Variants in DET1 observed in about 807,000 individuals in gnomAD.
DET1 encodes the protein DET1 partner of COP1 E3 ubiquitin ligase.
Under a neutral mutation model 43.7 loss-of-function variants are expected in DET1, and 22 were observed. That is an observed-to-expected ratio of 0.50 (90% CI 0.36 to 0.72). The LOEUF is 0.72. DET1 is among the 30% of genes least tolerant of loss of function. The pLI is 0.00. For synonymous variants in DET1, 315 were observed against 266.2 expected (o/e 1.18, Z -1.79); for missense variants, 713 against 713.3 (o/e 1.00, Z 0.00).
At chr15:88,520,655 C>A (rs2056465224) in intron 3 of DET1, among the ~76,000 whole-genome samples, 1 of 152,156 alleles carries the variant, frequency 6.6e-6, no homozygotes, top group Non-Finnish European at 1.5e-5. Context: ...GGCCCATAGA[C>A]CATCCTCCAT....
chr15:88,527,090 AC>A (rs2142296753), intron 3 of DET1, among the ~76,000 whole-genome samples: 1 of 151,984 alleles, frequency 6.6e-6, no homozygotes, highest in Non-Finnish European at 1.5e-5. Flanking sequence ...AGCTTTTAAA[AC>A]TTTGTTAATA....
At chr15:88,517,224 G>GTTTT (rs397854316) in intron 3 of DET1, among the ~76,000 whole-genome samples, 6 of 129,628 alleles carry the variant, frequency 4.6e-5, no homozygotes, top group African/African-American at 8.8e-5. Flanking sequence ...TGGGTTTTGG[G>GTTTT]TTTTTTTTTT....
intron 1 of DET1, among the ~76,000 whole-genome samples, chr15:88,537,042 T>C (rs1189900164): frequency 6.6e-6 from 1 of 152,136 alleles, no homozygotes; most frequent in African/African-American, 2.4e-5. Flanking sequence ...AAATGCCTTA[T>C]ATAAGTATAT....
chr15:88,536,833 A>C (rs2056965953), intron 1 of DET1, among the ~76,000 whole-genome samples: 1 of 151,924 alleles, frequency 6.6e-6, no homozygotes, highest in South Asian at 2.1e-4. Context: ...TAAAAGACAC[A>C]TTTTTAAAAA....
rs1053966716 is a variant in DET1 at position 88,517,942 on chromosome 15, A to C, written c.1272-969T>G. Among the ~76,000 whole-genome samples the C allele has an allele frequency of 2.0e-5, 3 of 151,888 alleles. No homozygotes were observed. The East Asian group carries it at 5.8e-4, about 29-fold the overall frequency. ...TGTCACAAATGCTAAATTTTATTTT[A>C]TTTTTATTTTTTGAGACAGGGTCTC... On this transcript the variant is annotated intron_variant, in intron 3 of 4. Transcript: ENST00000268148.
chr15:88,506,405 T>C (rs1331957975), intron 7 of DET1, among the ~76,000 whole-genome samples: 2 of 151,880 alleles, frequency 1.3e-5, no homozygotes, highest in Admixed American at 6.6e-5. Context: ...TAATCAAACA[T>C]TGCCTGATAG....
intron 3 of DET1, 109 bp downstream of exon 3, chr15:88,527,490 C>G: frequency 9.8e-7 from 1 of 1,024,444 alleles, no homozygotes; most frequent in Non-Finnish European, 1.4e-6. Flanking sequence ...AGCAGAATAA[C>G]CAAAGCTATG....
chr15:88,531,171 A>G lies in DET1; in HGVS notation c.535T>C (p.Ser179Pro), dbSNP rs2056803294. The change falls in exon 2 of 5, where the codon TCA (serine) becomes CCA (proline). Residue 179 changes from serine to proline, a missense_variant. Coordinates refer to ENST00000268148, the MANE Select transcript of DET1 (RefSeq NM_001144074.3). This position sits in a 1 kb window ranked among gnomAD's most constrained non-coding sequence, Gnocchi z 6.2. ...PFFEVYRNSE[S>P]VTPNPRSPLE... The stretch of plus-strand genomic sequence containing the variant: ...GGGGACCGTGGGTTGGGGGTCACTG[A>G]TTCACTGTTCCGATATACCTCAAAA... 1 of 1,613,722 alleles carries G rather than the reference A, an allele frequency of 6.2e-7. No homozygotes were observed. Among genetic ancestry groups the G allele is most frequent in the Admixed American group, 1.7e-5 (1 of 59,978 alleles).
intron 4 of DET1, among the ~76,000 whole-genome samples, chr15:88,514,869 G>A (rs923318511): frequency 1.3e-5 from 2 of 152,030 alleles, no homozygotes; most frequent in African/African-American, 4.8e-5. Context: ...CTTTATTCAG[G>A]AGCAATACCA....
chr15:88,508,762 T>C (rs370261016), downstream of DET1, among the ~76,000 whole-genome samples: 6 of 152,194 alleles, frequency 3.9e-5, no homozygotes, highest in South Asian at 1.2e-3. Flanking sequence ...TGAAATCATT[T>C]AATTTAGACA....
Position 88,530,753 on chromosome 15 carries a change from C to A in DET1, c.953G>T (p.Arg318Leu), listed in dbSNP as rs746255778. 6.2e-7 allele frequency: 1 copy of A among 1,613,862 alleles called. No homozygotes were observed. Among genetic ancestry groups the A allele is most frequent in the African/African-American group, 1.3e-5 (1 of 75,054 alleles). The change falls in exon 2 of 5, where the codon CGC (arginine) becomes CTC (leucine). Residue 318 changes from arginine (R) to leucine (L), a missense_variant. Physicochemically the swap from Arg to Leu is moderately radical, Grantham distance 102 (BLOSUM62 -2). Transcript: ENST00000268148. ...CAGTTGGTCAAAATACTGGAAGAAGCGCCTCTTGGCCATTGCACTACCATC... is the reference window on the plus strand; with the variant it reads ...CAGTTGGTCAAAATACTGGAAGAAGAGCCTCTTGGCCATTGCACTACCATC... ...EQDGSAMAKR[R>L]FFQYFDQLRQ...
rs2056826167 is a variant in DET1, at chr15:88,531,930, T to C, written c.-10-215A>G. On this transcript the variant is annotated intron_variant, in intron 1 of 4. Coordinates refer to ENST00000268148, the MANE Select transcript of DET1 (RefSeq NM_001144074.3). This position sits in a 1 kb window ranked among gnomAD's most constrained non-coding sequence, Gnocchi z 6.2. ...GGTCTAAGGGAAGGATCTAGTTCACTAGGAATACCTTCCAAGTATGCTCAG... is the reference window on the plus strand; with the variant it reads ...GGTCTAAGGGAAGGATCTAGTTCACCAGGAATACCTTCCAAGTATGCTCAG... 2 of 532,730 alleles carry C rather than the reference T, an allele frequency of 3.8e-6. No individual in the cohort carries two copies. Among genetic ancestry groups the C allele is most frequent in the Admixed American group, 3.6e-5 (1 of 27,676 alleles). The allele number at this position is 532,730 out of a possible 1,614,324, so 33.0% of individuals were successfully genotyped here. A position where few individuals can be genotyped will look rare whatever the true frequency, so the allele number is the denominator to read the frequency against.
At chr15:88,522,914 C>T (rs2056541137) in intron 3 of DET1, among the ~76,000 whole-genome samples, 2 of 144,004 alleles carry the variant, frequency 1.4e-5, no homozygotes, top group South Asian at 4.4e-4. Context: ...TAGGGTCTTA[C>T]TTTGTCACCT....
At chr15:88,541,293 G>T (rs776661551) in intron 1 of DET1, among the ~76,000 whole-genome samples, 5 of 151,860 alleles carry the variant, frequency 3.3e-5, no homozygotes, top group Admixed American at 6.6e-5. Flanking sequence ...CCGCACAATT[G>T]TCTTGTGACC....
At chr15:88,506,618 C>T (rs760279704) in intron 7 of DET1, among the ~76,000 whole-genome samples, 13 of 152,158 alleles carry the variant, frequency 8.5e-5, no homozygotes, top group South Asian at 4.2e-4. Context: ...AAGGAAAGTC[C>T]CTAAGGGCTT....
At chr15:88,514,916 G>A (rs780511703) in intron 4 of DET1, among the ~76,000 whole-genome samples, 11 of 152,062 alleles carry the variant, frequency 7.2e-5, no homozygotes, top group Non-Finnish European at 1.2e-4. Context: ...CAATTAGAAA[G>A]GTAGGAAAGT....
chr15:88,545,969 T>C (rs1057094623), intron 1 of DET1, among the ~76,000 whole-genome samples: 2 of 151,426 alleles, frequency 1.3e-5, no homozygotes, highest in African/African-American at 4.9e-5. Context: ...CACCTTGTAA[T>C]AGTCATAAAG....
At chr15:88,515,699 T>C (rs1336374904) in intron 4 of DET1, among the ~76,000 whole-genome samples, 1 of 151,910 alleles carries the variant, frequency 6.6e-6, no homozygotes, top group Admixed American at 6.6e-5. Flanking sequence ...TATTAAAGAT[T>C]TTTTGTTAAT....
intron 7 of DET1, chr15:88,505,308 G>A (rs1054204330): frequency 2.0e-5 from 3 of 152,068 alleles, no homozygotes; most frequent in Non-Finnish European, 2.9e-5. Flanking sequence ...CAATCCTTTC[G>A]CATGAATCTC....
Sources: gnomAD v4.1 joint callset for allele counts (sites outside exome capture counted in the v4.1 genomes callset) on GRCh38, gnomAD v4.1.1 for gene constraint, Gnocchi (gnomAD v3.1) non-coding constraint, MANE v1.5 for transcripts, NCBI Gene and HGNC (gene_info 2026-07-23, HGNC 2026-07-21) for gene names.